Variants in ABCC1 observed in about 807,000 individuals in gnomAD.
ABCC1 encodes multidrug resistance-associated protein 1.
In ABCC1, 83 loss-of-function variants were observed where a neutral mutation model predicts 172.9. The ratio of observed to expected loss-of-function variants is 0.48; its 90% confidence interval spans 0.40 to 0.58. ABCC1 has a LOEUF of 0.58. ABCC1 is among the 20% of genes least tolerant of loss of function. The pLI is 0.00. For missense variants in ABCC1, 1,817 were observed against 2,002.7 expected (o/e 0.91, Z 1.77); for synonymous variants, 937 against 825.2 (o/e 1.14, Z -2.32).
chr16:16,067,109 G>A (rs1178349640), intron 12 of ABCC1, among the ~76,000 whole-genome samples: 1 of 152,110 alleles, frequency 6.6e-6, no homozygotes, highest in East Asian at 1.9e-4. Flanking sequence ...AACTAGCCGG[G>A]CATGGTGGTA....
At chr16:16,015,836 G>A (rs1253229273) in intron 4 of ABCC1, among the ~76,000 whole-genome samples, 1 of 152,190 alleles carries the variant, frequency 6.6e-6, no homozygotes, top group Non-Finnish European at 1.5e-5. Flanking sequence ...ACTGCCAGAT[G>A]TTTCCTGGGA....
intron 7 of ABCC1, among the ~76,000 whole-genome samples, chr16:16,043,230 T>G (rs1177286923): frequency 3.6e-5 from 4 of 112,156 alleles, no homozygotes; most frequent in Non-Finnish European, 6.4e-5. Context: ...CTGTTTTTTT[T>G]TTTTTTTTTT....
At chr16:16,014,262 G>A (rs183879840) in intron 3 of ABCC1, among the ~76,000 whole-genome samples, 57 of 152,232 alleles carry the variant, frequency 3.7e-4, no homozygotes, top group African/African-American at 9.6e-4. Flanking sequence ...CCTGGCCAAC[G>A]TGGTGAAACC....
chr16:16,123,728 A>G (rs138507428), intron 24 of ABCC1, among the ~76,000 whole-genome samples: 3 of 152,294 alleles, frequency 2.0e-5, no homozygotes, highest in African/African-American at 7.2e-5. Context: ...AACAAATAAG[A>G]TGACCAGGCA....
intron 17 of ABCC1, among the ~76,000 whole-genome samples, chr16:16,086,171 T>G (rs754441888): frequency 1.3e-5 from 2 of 152,196 alleles, no homozygotes; most frequent in Non-Finnish European, 2.9e-5. Flanking sequence ...TCAACATGAT[T>G]TGGTGCCGTC....
intron 1 of ABCC1, among the ~76,000 whole-genome samples, chr16:15,962,164 G>A (rs1191943307): frequency 1.3e-5 from 2 of 152,206 alleles, no homozygotes; most frequent in African/African-American, 4.8e-5. Context: ...AGAGGGCTTT[G>A]CCCAGTTAAG....
chr16:16,115,804 T>C (rs868451822), intron 23 of ABCC1, among the ~76,000 whole-genome samples: 1 of 152,190 alleles, frequency 6.6e-6, no homozygotes, highest in Non-Finnish European at 1.5e-5. Context: ...AGGGCTGGTA[T>C]GGCAGCTTCA....
intron 18 of ABCC1, among the ~76,000 whole-genome samples, chr16:16,087,314 T>C (rs970698624): frequency 6.6e-6 from 1 of 152,332 alleles, no homozygotes; most frequent in Non-Finnish European, 1.5e-5. Flanking sequence ...CCTAGCAGGC[T>C]GCATTTTCTT....
chr16:16,018,877 C>T (rs530360767), intron 5 of ABCC1, among the ~76,000 whole-genome samples: 36 of 151,994 alleles, frequency 2.4e-4, no homozygotes, highest in African/African-American at 6.8e-4. Flanking sequence ...GTGACTCATG[C>T]CTGTAATCCC....
At chr16:16,128,669 T>C (rs2045546714) in intron 26 of ABCC1, among the ~76,000 whole-genome samples, 1 of 152,180 alleles carries the variant, frequency 6.6e-6, no homozygotes, top group Non-Finnish European at 1.5e-5. Context: ...ACATAAATTA[T>C]AAAATAGAGA....
intron 1 of ABCC1, among the ~76,000 whole-genome samples, chr16:15,965,292 T>C (rs1034119110): frequency 6.6e-5 from 10 of 152,048 alleles, no homozygotes; most frequent in Admixed American, 2.0e-4. Context: ...CTCCTTTTTT[T>C]TTTTTATTAT....
rs562589062 is a variant in ABCC1, at chr16:16,068,784, C to G, written c.1824+482C>G. On this transcript the variant is annotated intron_variant, in intron 13 of 30. Coordinates refer to ENST00000399410, the MANE Select transcript of ABCC1 (RefSeq NM_004996.4). ...GGTAGATCACCTGAGGTCAAGAGTT[C>G]GAGACCAGCCTGGCCAACATAGTGC... Among the ~76,000 whole-genome samples the G allele has an allele frequency of 5.3e-5, 8 of 151,682 alleles. No homozygotes were observed. The East Asian group carries it at 1.6e-3, about 30-fold the overall frequency.
intron 27 of ABCC1, among the ~76,000 whole-genome samples, chr16:16,132,462 C>T (rs2045722990): frequency 6.6e-6 from 1 of 151,084 alleles, no homozygotes; most frequent in African/African-American, 2.4e-5. Context: ...GAATCAGCCA[C>T]CATTCCTGGC....
chr16:15,995,375 G>A (rs34334712), intron 1 of ABCC1, among the ~76,000 whole-genome samples: 14,110 of 151,956 alleles, frequency 0.093, 744 homozygotes, highest in Middle Eastern at 0.15. Context: ...ATTGCTTTTC[G>A]CCCTTTGCTG....
chr16:15,974,603 G>T (rs1286365494), intron 1 of ABCC1, among the ~76,000 whole-genome samples: 1 of 152,124 alleles, frequency 6.6e-6, no homozygotes, highest in African/African-American at 2.4e-5. Context: ...TGCGTTTCAT[G>T]GAATCCTAGA....
chr16:16,072,322 A>G (rs905045935), intron 14 of ABCC1, among the ~76,000 whole-genome samples: 15 of 151,916 alleles, frequency 9.9e-5, no homozygotes, highest in African/African-American at 3.6e-4. Context: ...CTAGAACTAC[A>G]GGCACACACA....
rs201807299 is a variant in ABCC1, at chr16:16,044,645, C to G, written c.1005C>G (p.His335Gln). 8.7e-6 allele frequency: 14 copies of G among 1,614,160 alleles called. No homozygotes were observed. The highest frequency in any genetic ancestry group is 1.2e-5 in the Non-Finnish European group (14 of 1,180,026). ...TGAGCTTCTTCTTCAAGGCCATCCA[C>G]GACCTGATGATGTTTTCCGGGCCGC... ...FLMSFFFKAI[H>Q]DLMMFSGPQI... Residue 335 changes from histidine (H) to glutamine (Q), a missense_variant, in exon 8 of 31, where the codon CAC becomes CAG. Physicochemically the swap from His to Gln is conservative, Grantham distance 24 (BLOSUM62 0). Transcript: ENST00000399410.
intron 14 of ABCC1, 127 bp from the exon 15 acceptor site, chr16:16,076,199 T>A: frequency 1.1e-6 from 1 of 876,738 alleles, no homozygotes; most frequent in Non-Finnish European, 1.7e-6. Context: ...TGTCACCAGA[T>A]AATAATGCCT....
intron 11 of ABCC1, among the ~76,000 whole-genome samples, chr16:16,054,033 C>T (rs918323625): frequency 6.6e-5 from 10 of 150,972 alleles, no homozygotes; most frequent in African/African-American, 2.2e-4. Flanking sequence ...AGAGTGCAGT[C>T]GTACGATCTT....
Sources: allele counts gnomAD v4.1 joint callset (sites outside exome capture counted in the v4.1 genomes callset), GRCh38; gene constraint gnomAD v4.1.1; transcripts MANE v1.5; gene names NCBI Gene and HGNC (gene_info 2026-07-23, HGNC 2026-07-21).